ASS1: variants seen among roughly 807,000 people sequenced by gnomAD.
ASS1 encodes argininosuccinate synthase 1.
A neutral mutation model predicts 60.5 loss-of-function variants in ASS1; 58 were observed. That is an observed-to-expected ratio of 0.96 (90% confidence interval 0.78 to 1.19). The LOEUF is 1.19. ASS1 is among the 50% of genes most tolerant of loss of function. ASS1 has a pLI of 0.00. For missense variants in ASS1, 454 were observed against 547.3 expected, an observed-to-expected ratio of 0.83 and a Z score of 1.70; for synonymous variants, 200 against 206.9, an observed-to-expected ratio of 0.97 and a Z score of 0.29.
At chr9:130,448,072 T>C (rs1050121107) in intron 1 of ASS1, among the ~76,000 whole-genome samples, 4 of 151,876 alleles carry the variant, frequency 2.6e-5, no homozygotes. Context: ...GGATTGCAGC[T>C]GTGGTTCCTT....
rs899830246 is a variant in ASS1 at position 130,470,461 on chromosome 9, G to A, written c.496-373G>A. Among the ~76,000 whole-genome samples, 3 of 152,206 alleles carry A rather than the reference G, an allele frequency of 2.0e-5. No homozygotes were observed. The highest frequency in any genetic ancestry group is 7.2e-5 in the African/African-American group (3 of 41,454). ...TGCCAGGTGCCCCGGTCCACAGTGC[G>A]AGCGGGTTCACACAAGCCCCAGCTC... On this transcript the variant is annotated intron_variant, in intron 6 of 14. Transcript: ENST00000352480. The surrounding 1 kb of genome is among the most constrained non-coding windows in gnomAD (Gnocchi z 4.3).
chr9:130,447,253 C>T (rs550653990), intron 1 of ASS1, among the ~76,000 whole-genome samples: 2 of 152,350 alleles, frequency 1.3e-5, no homozygotes, highest in South Asian at 4.1e-4. Flanking sequence ...AAGTGGCCTG[C>T]AGTCAGGCTG....
intron 11 of ASS1, 80 bp downstream of exon 11, chr9:130,480,529 A>C: frequency 2.7e-6 from 4 of 1,483,362 alleles, no homozygotes; most frequent in Non-Finnish European, 3.7e-6. Context: ...TCCCCTTTGG[A>C]CGCTACTACC....
At position 130,452,732 on chromosome 9, in the gene ASS1, G is replaced by A. The variant is rs558684059; in HGVS notation, c.105+399G>A. Among the ~76,000 whole-genome samples the A allele has an allele frequency of 4.6e-5, 7 of 152,286 alleles. No individual in the cohort carries two copies. In the South Asian group the frequency reaches 1.5e-3, roughly 32 times the overall value. On this transcript the variant is annotated intron_variant, in intron 2 of 14. Coordinates refer to ENST00000352480, the MANE Select transcript of ASS1 (RefSeq NM_054012.4). ...CCTGCAGTAATTCAGCAAAGATTGTGGAATCCTGAGCTGGAAGGACCCTGG... is the reference window on the plus strand; with the variant it reads ...CCTGCAGTAATTCAGCAAAGATTGTAGAATCCTGAGCTGGAAGGACCCTGG...
At chr9:130,450,086 A>G (rs1358544949) in intron 1 of ASS1, among the ~76,000 whole-genome samples, 1 of 152,086 alleles carries the variant, frequency 6.6e-6, no homozygotes, top group Admixed American at 6.5e-5. Context: ...GCTTCCACAT[A>G]TTTCCTGAAT....
chr9:130,451,699 C>T, intron 1 of ASS1: 1 of 387,996 alleles, frequency 2.6e-6, no homozygotes, highest in Non-Finnish European at 5.2e-6. Context: ...TGGCTGCCTC[C>T]CCAATAGGAA....
intron 11 of ASS1, among the ~76,000 whole-genome samples, chr9:130,486,823 A>G (rs1015231570): frequency 1.3e-5 from 2 of 152,234 alleles, no homozygotes; most frequent in African/African-American, 4.8e-5. Flanking sequence ...CCAAGCCCCC[A>G]GAGAGGTTCC....
At chr9:130,464,215 ACCT>A in intron 5 of ASS1, 48 bp downstream of exon 5, 1 of 1,586,168 alleles carries the variant, frequency 6.3e-7, no homozygotes, top group Non-Finnish European at 8.7e-7. Flanking sequence ...CATCTGCAGC[ACCT>A]GATGGGGAGG....
At position 130,494,433 on chromosome 9, in the gene ASS1, A is replaced by G. The variant is rs907400338; in HGVS notation, c.971-434A>G. Among the ~76,000 whole-genome samples the G allele has an allele frequency of 1.2e-4, 19 of 152,198 alleles. No individual in the cohort carries two copies. Among genetic ancestry groups the G allele is most frequent in the Non-Finnish European group, 2.5e-4 (17 of 68,036 alleles). ...ACCCAGCTGCCTGCACTGGACACCCATATCACCAAGCCCCAGGCAGCATGT... is the reference window on the plus strand; with the variant it reads ...ACCCAGCTGCCTGCACTGGACACCCGTATCACCAAGCCCCAGGCAGCATGT... On this transcript the variant is annotated intron_variant, in intron 12 of 14. Transcript: ENST00000352480. This position sits in a 1 kb window ranked among gnomAD's most constrained non-coding sequence, Gnocchi z 4.3.
At chr9:130,467,150 TG>T (rs559870278) in intron 6 of ASS1, among the ~76,000 whole-genome samples, 60 of 150,632 alleles carry the variant, frequency 4.0e-4, no homozygotes, top group African/African-American at 1.3e-3. Flanking sequence ...GTGTGTCACT[TG>T]GGGGGATGGC....
chr9:130,481,139 T>A (rs1455267313), intron 11 of ASS1, among the ~76,000 whole-genome samples: 2 of 152,238 alleles, frequency 1.3e-5, no homozygotes, highest in Non-Finnish European at 2.9e-5. Context: ...CCAAAGCCCA[T>A]GATTCCCTTT....
chr9:130,489,512 C>G lies in ASS1; in HGVS notation c.970+48C>G. ...CCCCTCTAACCGCCTCACAAGGGAT[C>G]CCAAAGTACTATCAGGCTCTCGGGC... On this transcript the variant is annotated intron_variant, in intron 12 of 14. Coordinates refer to ENST00000352480, the MANE Select transcript of ASS1 (RefSeq NM_054012.4). The surrounding 1 kb of genome is among the most constrained non-coding windows in gnomAD (Gnocchi z 4.1). 3 of 1,613,494 alleles carry G rather than the reference C, an allele frequency of 1.9e-6. No individual in the cohort carries two copies. The highest frequency in any genetic ancestry group is 2.5e-6 in the Non-Finnish European group (3 of 1,179,746).
intron 1 of ASS1, among the ~76,000 whole-genome samples, chr9:130,449,914 C>A (rs1318248967): frequency 6.6e-6 from 1 of 152,072 alleles, no homozygotes; most frequent in Non-Finnish European, 1.5e-5. Context: ...GAGGTGCCAC[C>A]CTCAAACTTT....
chr9:130,479,621 A>T, intron 9 of ASS1, 95 bp from the exon 10 acceptor site: 1 of 966,390 alleles, frequency 1.0e-6, no homozygotes, highest in Non-Finnish European at 1.7e-6. Flanking sequence ...CATCCATTTA[A>T]GGCGTTTCGG....
At chr9:130,479,432 G>A (rs1483478045) in intron 9 of ASS1, among the ~76,000 whole-genome samples, 2 of 152,170 alleles carry the variant, frequency 1.3e-5, no homozygotes, top group African/African-American at 4.8e-5. Flanking sequence ...TTCAGGGCCT[G>A]GTTCCAATTT....
Position 130,477,053 on chromosome 9 carries a change from C to A in ASS1, c.688+92C>A. On this transcript the variant is annotated intron_variant, in intron 9 of 14. Coordinates refer to ENST00000352480, the MANE Select transcript of ASS1 (RefSeq NM_054012.4). This position sits in a 1 kb window ranked among gnomAD's most constrained non-coding sequence, Gnocchi z 4.2. Reference sequence around the variant, plus strand: ...TGCCTGGGAACCTAGGCCCTCTTTACCCCCGCCCTGCATTCCTGGAAGCTA... The same window carrying A: ...TGCCTGGGAACCTAGGCCCTCTTTAACCCCGCCCTGCATTCCTGGAAGCTA... 1.5e-6 allele frequency: 2 copies of A among 1,328,950 alleles called. No homozygotes were observed. The highest frequency in any genetic ancestry group is 2.2e-6 in the Non-Finnish European group (2 of 930,096). 82.3% of individuals were successfully genotyped at this position (1,328,950 alleles called of 1,614,324 possible).
intron 8 of ASS1, among the ~76,000 whole-genome samples, chr9:130,474,897 G>A (rs1845977413): frequency 2.0e-5 from 3 of 152,216 alleles, no homozygotes; most frequent in Admixed American, 2.0e-4. Flanking sequence ...GTCCCTCAGG[G>A]CCCCTCCTAC....
Position 130,491,182 on chromosome 9 carries a change from G to A in ASS1, c.970+1718G>A, listed in dbSNP as rs1298127624. ...GCTTTGAAGCCAAGTTTCTGCCCCC[G>A]TTCCCAGGGACAGACAGGTGCTTAA... is the stretch of plus-strand genomic sequence containing the variant. On this transcript the variant is annotated intron_variant, in intron 12 of 14. Coordinates refer to ENST00000352480, the MANE Select transcript of ASS1 (RefSeq NM_054012.4). This position sits in a 1 kb window ranked among gnomAD's most constrained non-coding sequence, Gnocchi z 5.3. 2.6e-5 allele frequency among the ~76,000 whole-genome samples: 4 copies of A among 152,162 alleles called. No homozygotes were observed. Among genetic ancestry groups the A allele is most frequent in the East Asian group, 1.9e-4 (1 of 5,198 alleles).
At chr9:130,484,799 G>GCACACACACACACACACA (rs3030699) in intron 11 of ASS1, among the ~76,000 whole-genome samples, 1 of 146,604 alleles carries the variant, frequency 6.8e-6, no homozygotes, top group African/African-American at 2.5e-5. Flanking sequence ...AGCTTTAAAC[G>GCACACACACACACACACA]CACACACACA....
Sources: gnomAD v4.1 joint callset for allele counts (sites outside exome capture counted in the v4.1 genomes callset) on GRCh38, gnomAD v4.1.1 for gene constraint, Gnocchi (gnomAD v3.1) non-coding constraint, MANE v1.5 for transcripts, NCBI Gene and HGNC (gene_info 2026-07-23, HGNC 2026-07-21) for gene names.